ZDHHC11: variants seen among roughly 807,000 people sequenced by gnomAD.
ZDHHC11 encodes zDHHC palmitoyltransferase 11, also known as palmitoyltransferase ZDHHC11.
Under a neutral mutation model 51.3 loss-of-function variants are expected in ZDHHC11, and 44 were observed. That is an observed-to-expected ratio of 0.86 (90% CI 0.67 to 1.10). The LOEUF (loss-of-function observed/expected upper bound fraction) is 1.10. ZDHHC11 is among the 50% of genes least tolerant of loss of function. The probability of loss-of-function intolerance (pLI) is 0.00; values close to 1 mark genes in which losing one functional copy is unlikely to be tolerated. For synonymous variants in ZDHHC11, 163 were observed against 222.0 expected (o/e 0.73, Z 2.36); for missense variants, 400 against 537.7 (o/e 0.74, Z 2.53).
chr5:848,903 A>G (rs1453913908), intron 1 of ZDHHC11, among the ~76,000 whole-genome samples: 2 of 141,110 alleles, frequency 1.4e-5, no homozygotes, highest in African/African-American at 5.5e-5. Context: ...GGGCCTGCAC[A>G]CCCAGCCCTG....
At chr5:851,788 G>C (rs1366248353), upstream of ZDHHC11, among the ~76,000 whole-genome samples, 1 of 152,176 alleles carries the variant, frequency 6.6e-6, no homozygotes, top group South Asian at 2.1e-4. Context: ...GGGCGCGGGG[G>C]CTCACGCCTG....
chr5:801,199 A>G (rs1418056189), intron 11 of ZDHHC11, 35 bp from the exon 12 acceptor site: 11 of 1,607,586 alleles, frequency 6.8e-6, no homozygotes, highest in Non-Finnish European at 8.5e-6. Context: ...AACAACAGAG[A>G]ACGTATGATG....
upstream of ZDHHC11, among the ~76,000 whole-genome samples, chr5:859,848 T>TG (rs58754878): frequency 0.038 from 5,705 of 151,774 alleles, 230 homozygotes; most frequent in African/African-American, 0.1. Flanking sequence ...TCGTGTCGGT[T>TG]GGGGGGGGTC....
rs1212802582 is a variant in ZDHHC11, at chr5:833,863, G to A, written c.901-56C>T. ...AAAAAGAAGTTGTTGACATGCAGCTGATTCTTACATAAAAGTGACGTCTAT... is the reference window on the plus strand; with the variant it reads ...AAAAAGAAGTTGTTGACATGCAGCTAATTCTTACATAAAAGTGACGTCTAT... On this transcript the variant is annotated intron_variant, in intron 6 of 12. Coordinates refer to ENST00000283441, the MANE Select transcript of ZDHHC11 (RefSeq NM_024786.3). 10 of 1,568,332 alleles carry A rather than the reference G, an allele frequency of 6.4e-6. 1 individual carries two copies. In the South Asian group the frequency reaches 1.1e-4, roughly 18 times the overall value.
rs1454391661 is a variant in ZDHHC11 at position 799,236 on chromosome 5, G to T, written c.*7+1864C>A. ...AACGAACCCATGAGACCTTGTTGTC[G>T]AAAAGGGCCTGGAGCCTCCCCCAGC... On this transcript the variant is annotated intron_variant, in intron 12 of 12. Coordinates refer to ENST00000283441, the MANE Select transcript of ZDHHC11 (RefSeq NM_024786.3). Among the ~76,000 whole-genome samples the T allele has an allele frequency of 1.0e-4, 15 of 150,686 alleles. 1 individual carries two copies. The highest frequency in any genetic ancestry group is 2.1e-4 in the Non-Finnish European group (14 of 67,662).
intron 9 of ZDHHC11, among the ~76,000 whole-genome samples, chr5:819,861 C>T (rs952910260): frequency 1.3e-5 from 2 of 151,236 alleles, no homozygotes; most frequent in African/African-American, 4.8e-5. Context: ...GCAGTACCTC[C>T]CTGAAGTCTG....
intron 11 of ZDHHC11, among the ~76,000 whole-genome samples, chr5:801,592 C>T (rs1738430070): frequency 6.6e-6 from 1 of 151,218 alleles, no homozygotes; most frequent in Admixed American, 6.6e-5. Flanking sequence ...TTTATACCCA[C>T]ATCTTGAGTA....
chr5:805,972 G>A (rs1235600134), intron 11 of ZDHHC11, among the ~76,000 whole-genome samples: 1 of 151,188 alleles, frequency 6.6e-6, no homozygotes, highest in African/African-American at 2.4e-5. Flanking sequence ...ACCCCACACA[G>A]CAAGCGGCTA....
At chr5:825,023 T>C in intron 8 of ZDHHC11, 141 bp downstream of exon 8, 2 of 814,108 alleles carry the variant, frequency 2.5e-6, no homozygotes, top group Non-Finnish European at 4.0e-6. Flanking sequence ...CCACCCACCA[T>C]CATTCCCATG....
chr5:824,102 ACAGGGAAGGAGAACACACC>A, intron 8 of ZDHHC11: 1 of 454,756 alleles, frequency 2.2e-6, no homozygotes, highest in East Asian at 7.0e-5. Context: ...CCCTGCCCCC[ACAGGGAAGGAGAACACACC>A]TGTAACCTCC....
chr5:835,419 T>C (rs994316412), intron 6 of ZDHHC11, among the ~76,000 whole-genome samples: 6 of 151,824 alleles, frequency 4.0e-5, no homozygotes, highest in African/African-American at 1.5e-4. Flanking sequence ...TCTGTCTCTG[T>C]CGGTGCCACA....
rs1003388527 is a variant in ZDHHC11, at chr5:801,166, T to C, written c.1182-2A>G. On this transcript the variant is annotated splice_acceptor_variant, in intron 11 of 12. Coordinates refer to ENST00000283441, the MANE Select transcript of ZDHHC11 (RefSeq NM_024786.3). LOFTEE classifies it high-confidence loss of function. ...GGCTCTGTTGTTTCTTGTTGCAGCC[T>C]GTTTGCAATATTCAGAAAGAGAAAC... 16 of 1,610,796 alleles carry C rather than the reference T, an allele frequency of 9.9e-6. No individual in the cohort carries two copies. The highest frequency in any genetic ancestry group is 3.3e-5 in the Admixed American group (2 of 59,906).
chr5:825,154 T>G lies in ZDHHC11; in HGVS notation c.1023+10A>C. 6.2e-7 allele frequency: 1 copy of G among 1,609,702 alleles called. No individual in the cohort carries two copies. ...GACCTCGGGGTGCATCGCTGGTGAC[T>G]GCAACTTACCCGTGCCGTCGAATCC... On this transcript the variant is annotated intron_variant, in intron 8 of 12. Transcript: ENST00000283441.
At chr5:851,354 G>A (rs1238150903), upstream of ZDHHC11, among the ~76,000 whole-genome samples, 1 of 151,976 alleles carries the variant, frequency 6.6e-6, no homozygotes, top group African/African-American at 2.4e-5. Context: ...GGCAGGGGTG[G>A]GAGGGACGTG....
intron 11 of ZDHHC11, among the ~76,000 whole-genome samples, chr5:806,476 G>T (rs976929057): frequency 1.0e-5 from 1 of 95,414 alleles, no homozygotes; most frequent in African/African-American, 8.9e-5. Context: ...TGGATATTTT[G>T]TGAAAAGGTT....
chr5:809,014 C>CACACACACACACACAA (rs1554050773), intron 11 of ZDHHC11, among the ~76,000 whole-genome samples: 2 of 139,122 alleles, frequency 1.4e-5, no homozygotes, highest in Non-Finnish European at 1.6e-5. Flanking sequence ...CACACACACA[C>CACACACACACACACAA]GCACACTATT....
intron 1 of ZDHHC11, among the ~76,000 whole-genome samples, chr5:849,160 C>T (rs1276521816): frequency 6.6e-6 from 1 of 152,172 alleles, no homozygotes; most frequent in East Asian, 1.9e-4. Context: ...GATGAGGCTA[C>T]CCATTGGCCC....
At chr5:818,737 T>G (rs143249137) in intron 10 of ZDHHC11, among the ~76,000 whole-genome samples, 1,275 of 151,296 alleles carry the variant, frequency 8.4e-3, no homozygotes, top group African/African-American at 0.029. Context: ...GGCACACGCC[T>G]GTAGTTTCAG....
At chr5:823,535 G>T (rs1486288482) in intron 8 of ZDHHC11, 15 of 153,002 alleles carry the variant, frequency 9.8e-5, no homozygotes, top group African/African-American at 3.6e-4. Context: ...GGGAGGCGAT[G>T]GACTGTAGGT....
Sources: gnomAD v4.1 joint callset for allele counts (sites outside exome capture counted in the v4.1 genomes callset) on GRCh38, gnomAD v4.1.1 for gene constraint, MANE v1.5 for transcripts, NCBI Gene and HGNC (gene_info 2026-07-23, HGNC 2026-07-21) for gene names.